Variants in SCFD2 observed in about 807,000 individuals in gnomAD.
SCFD2 encodes sec1 family domain containing 2.
SCFD2 carries 54 observed loss-of-function variants against 58.9 expected under a neutral mutation model. The observed-to-expected ratio is 0.92, with a 90% CI of 0.74 to 1.15. The LOEUF is 1.15. Among genes scored for constraint, SCFD2 ranks in the 50% most tolerant of loss-of-function variants. SCFD2 has a pLI of 0.00. For missense variants in SCFD2, 805 were observed against 836.6 expected, an observed-to-expected ratio of 0.96 and a Z score of 0.47; for synonymous variants, 321 against 335.9, an observed-to-expected ratio of 0.96 and a Z score of 0.49.
At chr4:53,212,855 T>G (rs1362727085) in intron 4 of SCFD2, among the ~76,000 whole-genome samples, 1 of 149,878 alleles carries the variant, frequency 6.7e-6, no homozygotes, top group Non-Finnish European at 1.5e-5. Flanking sequence ...ATTACACGGT[T>G]TTTTTTTTTA....
At chr4:52,883,592 C>T (rs1432246104) in intron 8 of SCFD2, among the ~76,000 whole-genome samples, 6 of 152,150 alleles carry the variant, frequency 3.9e-5, no homozygotes, top group South Asian at 2.1e-4. Flanking sequence ...ACTTTGAAAA[C>T]GTCTGCATTT....
chr4:53,159,853 A>G (rs1726800877), intron 4 of SCFD2, among the ~76,000 whole-genome samples: 1 of 152,268 alleles, frequency 6.6e-6, no homozygotes, highest in African/African-American at 2.4e-5. Flanking sequence ...ATTTCTGTGA[A>G]CCCAGTATAT....
intron 4 of SCFD2, among the ~76,000 whole-genome samples, chr4:53,162,856 A>G (rs911453185): frequency 6.6e-6 from 1 of 151,380 alleles, no homozygotes; most frequent in Admixed American, 6.6e-5. Flanking sequence ...TAATAATAAT[A>G]AAATAAAATA....
At chr4:53,290,455 C>T (rs569531260) in intron 3 of SCFD2, among the ~76,000 whole-genome samples, 2 of 152,158 alleles carry the variant, frequency 1.3e-5, no homozygotes, top group East Asian at 3.9e-4. Context: ...GTATCTTACC[C>T]TATAGGTGAA....
chr4:52,997,274 T>C (rs1327252398), intron 5 of SCFD2, among the ~76,000 whole-genome samples: 6 of 152,092 alleles, frequency 3.9e-5, no homozygotes, highest in African/African-American at 1.4e-4. Context: ...GAGCTTGAGG[T>C]TTCCCTCCTC....
At chr4:53,264,883 ATAAAACT>A (rs1730933985) in intron 4 of SCFD2, among the ~76,000 whole-genome samples, 1 of 152,236 alleles carries the variant, frequency 6.6e-6, no homozygotes, top group Admixed American at 6.5e-5. Context: ...TTGCAAAGAG[ATAAAACT>A]TAAAACTAAA....
intron 2 of SCFD2, among the ~76,000 whole-genome samples, chr4:53,345,033 G>A (rs577877963): frequency 4.6e-5 from 7 of 152,268 alleles, no homozygotes; most frequent in Admixed American, 4.6e-4. Flanking sequence ...CAGGACATAG[G>A]CATGGGCAAA....
intron 4 of SCFD2, among the ~76,000 whole-genome samples, chr4:53,226,300 T>C (rs1228436788): frequency 6.6e-6 from 1 of 152,122 alleles, no homozygotes. Flanking sequence ...GTAATTATTT[T>C]TATGGGGGGG....
At chr4:53,326,141 T>A (rs1356065591) in intron 2 of SCFD2, among the ~76,000 whole-genome samples, 2 of 146,660 alleles carry the variant, frequency 1.4e-5, no homozygotes, top group Non-Finnish European at 2.9e-5. Context: ...TTATTTATTT[T>A]ATTTTATTTT....
At chr4:53,030,890 T>C (rs1722600182) in intron 5 of SCFD2, among the ~76,000 whole-genome samples, 1 of 152,242 alleles carries the variant, frequency 6.6e-6, no homozygotes, top group Non-Finnish European at 1.5e-5. Context: ...ATAATTCAAT[T>C]CACCTGGCTA....
chr4:53,193,823 G>A (rs1380369154), intron 4 of SCFD2, among the ~76,000 whole-genome samples: 1 of 152,072 alleles, frequency 6.6e-6, no homozygotes, highest in Non-Finnish European at 1.5e-5. Context: ...ATATAAGCAT[G>A]GTTCATAAGA....
In SCFD2 at chr4:53,250,777, C is replaced by G. The variant is rs369028123; in HGVS notation, c.1311+23049G>C. On this transcript the variant is annotated intron_variant, in intron 4 of 8. Coordinates refer to ENST00000401642, the MANE Select transcript of SCFD2 (RefSeq NM_152540.4). ...GAGGGAAATATATAGCACTAAATGC[C>G]CACAAGAGAAAGCAGGAAAGATCTA... 5.2e-4 allele frequency among the ~76,000 whole-genome samples: 79 copies of G among 152,170 alleles called. No homozygotes were observed. In the South Asian group the frequency reaches 0.011, roughly 22 times the overall value.
At chr4:53,079,243 G>A (rs1724071154) in intron 5 of SCFD2, among the ~76,000 whole-genome samples, 1 of 152,140 alleles carries the variant, frequency 6.6e-6, no homozygotes, top group South Asian at 2.1e-4. Context: ...GATGTCTGGG[G>A]GGCAGAAGAT....
chr4:53,358,376 A>G (rs1351148089), intron 1 of SCFD2, among the ~76,000 whole-genome samples: 1 of 152,014 alleles, frequency 6.6e-6, no homozygotes, highest in African/African-American at 2.4e-5. Flanking sequence ...TAAAAAACAA[A>G]ACAAAACAAA....
intron 5 of SCFD2, among the ~76,000 whole-genome samples, chr4:53,096,906 G>A (rs1468130557): frequency 6.6e-6 from 1 of 152,124 alleles, no homozygotes; most frequent in African/African-American, 2.4e-5. Flanking sequence ...GTGTAAGGAA[G>A]GGATCCAGTT....
At chr4:53,255,453 G>T (rs4103016) in intron 4 of SCFD2, among the ~76,000 whole-genome samples, 108,364 of 151,774 alleles carry the variant, frequency 0.71, 38,862 homozygotes, top group Middle Eastern at 0.8. Context: ...GTTTAACAAA[G>T]CACATCTTGC....
At chr4:53,215,365 T>A (rs919032736) in intron 4 of SCFD2, among the ~76,000 whole-genome samples, 8 of 152,160 alleles carry the variant, frequency 5.3e-5, no homozygotes, top group Non-Finnish European at 7.3e-5. Flanking sequence ...AAGAGGTCCT[T>A]CACGTCCCTT....
chr4:53,024,657 A>T (rs1342370043), intron 5 of SCFD2, among the ~76,000 whole-genome samples: 1 of 151,910 alleles, frequency 6.6e-6, no homozygotes, highest in African/African-American at 2.4e-5. Context: ...TTTTTTCAGC[A>T]ATCATTAGGG....
chr4:53,173,878 T>C (rs1200559054), intron 4 of SCFD2, among the ~76,000 whole-genome samples: 1 of 152,162 alleles, frequency 6.6e-6, no homozygotes, highest in Non-Finnish European at 1.5e-5. Flanking sequence ...CATATAGACA[T>C]ACACACATCA....
Sources: allele counts gnomAD v4.1 joint callset (sites outside exome capture counted in the v4.1 genomes callset), GRCh38; gene constraint gnomAD v4.1.1; transcripts MANE v1.5; gene names NCBI Gene and HGNC (gene_info 2026-07-23, HGNC 2026-07-21).